The following KCNU1 variants were observed in gnomAD, a reference collection of about 807,000 sequenced individuals.
The protein encoded by KCNU1 is potassium channel subfamily U member 1.
In KCNU1, 93 loss-of-function variants were observed where a neutral mutation model predicts 126.8. That is an observed-to-expected ratio of 0.73 (90% CI 0.62 to 0.87). KCNU1 has a LOEUF of 0.87. KCNU1 is among the 40% of genes least tolerant of loss of function. The pLI, the probability that KCNU1 is intolerant of heterozygous loss-of-function variation, is 0.00. For synonymous variants in KCNU1, 523 were observed against 494.2 expected, an observed-to-expected ratio of 1.06 and a Z score of -0.77; for missense variants, 1,330 against 1,367.1, an observed-to-expected ratio of 0.97 and a Z score of 0.43.
chr8:36,815,218 C>T (rs577339825), intron 8 of KCNU1, among the ~76,000 whole-genome samples: 3 of 152,016 alleles, frequency 2.0e-5, no homozygotes, highest in Non-Finnish European at 4.4e-5. Flanking sequence ...GTAGTCCCAG[C>T]CACTTGGGAG....
chr8:36,793,858 A>T (rs1197371198), intron 2 of KCNU1, among the ~76,000 whole-genome samples: 1 of 151,984 alleles, frequency 6.6e-6, no homozygotes, highest in Non-Finnish European at 1.5e-5. Context: ...GTTTGAGACA[A>T]GCCTGACCAA....
chr8:36,932,353 C>T (rs1407529937), intron 25 of KCNU1, among the ~76,000 whole-genome samples: 1 of 152,102 alleles, frequency 6.6e-6, no homozygotes, highest in Non-Finnish European at 1.5e-5. Flanking sequence ...TGCCATGTTC[C>T]TCCCTTTGTT....
At position 36,847,971 on chromosome 8, in the gene KCNU1, ATTGTT is replaced by A. The variant is rs1343370100; in HGVS notation, c.1891+2085_1891+2089del. Among the ~76,000 whole-genome samples, 3 of 152,004 alleles carry A rather than the reference ATTGTT, an allele frequency of 2.0e-5. No individual in the cohort carries two copies. The East Asian group carries it at 5.8e-4, about 29-fold the overall frequency. ...GTTCTCCACATCCTTGTCAGCATCT[ATTGTT>A]TTGTTTTGTTTTTTGTCTTTTTCAT... is the stretch of plus-strand genomic sequence containing the variant. On this transcript the variant is annotated intron_variant, in intron 18 of 26. Coordinates refer to ENST00000399881, the MANE Select transcript of KCNU1 (RefSeq NM_001031836.3).
At chr8:36,907,092 A>AGGTCTTTTG (rs1212876760) in intron 20 of KCNU1, among the ~76,000 whole-genome samples, 1 of 152,196 alleles carries the variant, frequency 6.6e-6, no homozygotes, top group African/African-American at 2.4e-5. Context: ...AATACCAACC[A>AGGTCTTTTG]GGTCTTTTGT....
chr8:36,903,279 A>T (rs1030196532), intron 19 of KCNU1, among the ~76,000 whole-genome samples: 1 of 152,160 alleles, frequency 6.6e-6, no homozygotes, highest in African/African-American at 2.4e-5. Flanking sequence ...GCTTGTCATT[A>T]TGTTGAGGTC....
rs191078500 is a variant in KCNU1, at chr8:36,916,072, G to A, written c.2522-2751G>A. 1.3e-3 allele frequency among the ~76,000 whole-genome samples: 197 copies of A among 148,894 alleles called. 2 individuals are homozygous for A. Among genetic ancestry groups the A allele is most frequent in the African/African-American group, 4.4e-3 (178 of 40,486 alleles). On this transcript the variant is annotated intron_variant, in intron 22 of 26. Coordinates refer to ENST00000399881, the MANE Select transcript of KCNU1 (RefSeq NM_001031836.3). Reference sequence around the variant, plus strand: ...AGGAAGGGAGAAGAGGGAAAGGGACGAGAGAAAAAAGAACAGGAGGAGAAG... The same window carrying A: ...AGGAAGGGAGAAGAGGGAAAGGGACAAGAGAAAAAAGAACAGGAGGAGAAG...
At chr8:36,794,055 C>CAAAA (rs747930765) in intron 2 of KCNU1, among the ~76,000 whole-genome samples, 2 of 64,962 alleles carry the variant, frequency 3.1e-5, no homozygotes, top group African/African-American at 5.0e-5. Flanking sequence ...CTCTGTCTCT[C>CAAAA]AAAAAAAAAA....
At chr8:36,874,356 T>C (rs965206299) in intron 19 of KCNU1, among the ~76,000 whole-genome samples, 2 of 152,218 alleles carry the variant, frequency 1.3e-5, no homozygotes, top group Admixed American at 1.3e-4. Context: ...TAGATTATTA[T>C]ATAGAATTCT....
intron 22 of KCNU1, among the ~76,000 whole-genome samples, chr8:36,916,590 GAT>G (rs1808122056): frequency 2.0e-5 from 3 of 152,170 alleles, no homozygotes. Context: ...AAATTTCAGA[GAT>G]ATTTTTAAGG....
chr8:36,864,136 G>T (rs1027646618), intron 18 of KCNU1, among the ~76,000 whole-genome samples: 5 of 152,210 alleles, frequency 3.3e-5, no homozygotes, highest in Non-Finnish European at 7.4e-5. Flanking sequence ...GAAATGGGAG[G>T]GGTGATGGAT....
At chr8:36,806,202 C>T (rs979385414) in intron 4 of KCNU1, 67 bp from the exon 5 acceptor site, 6 of 888,280 alleles carry the variant, frequency 6.8e-6, no homozygotes, top group Non-Finnish European at 1.1e-5. Flanking sequence ...CTGAATAATG[C>T]TATCTAGTGT....
At chr8:36,845,516 G>T in intron 16 of KCNU1, 64 bp from the exon 17 acceptor site, 1 of 900,562 alleles carries the variant, frequency 1.1e-6, no homozygotes. Context: ...AACAGAAAGA[G>T]GCACCAACTG....
At chr8:36,924,876 C>G (rs1281991285) in intron 24 of KCNU1, among the ~76,000 whole-genome samples, 2 of 152,172 alleles carry the variant, frequency 1.3e-5, no homozygotes, top group Non-Finnish European at 2.9e-5. Context: ...TTAAACACCA[C>G]TGGCTCACAC....
At chr8:36,925,831 C>T (rs1241611096) in intron 24 of KCNU1, among the ~76,000 whole-genome samples, 1 of 152,258 alleles carries the variant, frequency 6.6e-6, no homozygotes, top group East Asian at 1.9e-4. Flanking sequence ...CATTTATTCT[C>T]CGTATGTGCT....
intron 18 of KCNU1, among the ~76,000 whole-genome samples, chr8:36,849,185 G>T (rs1805255407): frequency 2.0e-5 from 3 of 151,886 alleles, no homozygotes; most frequent in Admixed American, 1.3e-4. Flanking sequence ...TACCTATACT[G>T]GTCATTTCAC....
chr8:36,924,914 T>TTA (rs1808483505), intron 24 of KCNU1, among the ~76,000 whole-genome samples: 1 of 152,062 alleles, frequency 6.6e-6, no homozygotes, highest in African/African-American at 2.4e-5. Context: ...CAGATTTTAT[T>TTA]TAGAGTTGAT....
At chr8:36,918,934 A>G (rs1227248430) in intron 23 of KCNU1, 37 bp downstream of exon 23, 2 of 1,260,548 alleles carry the variant, frequency 1.6e-6, no homozygotes, top group African/African-American at 3.0e-5. Context: ...CAATGGAGAA[A>G]TTTTTGTGAT....
chr8:36,867,211 G>A (rs1805942467), intron 19 of KCNU1, among the ~76,000 whole-genome samples: 2 of 152,160 alleles, frequency 1.3e-5, no homozygotes, highest in South Asian at 4.1e-4. Flanking sequence ...GGTAGGGGAA[G>A]ACGAGGTCAA....
chr8:36,792,144 A>T (rs1244147427), intron 2 of KCNU1, among the ~76,000 whole-genome samples: 1 of 152,322 alleles, frequency 6.6e-6, no homozygotes, highest in East Asian at 1.9e-4. Context: ...AGTACAAAGT[A>T]AAAACTAAAT....
Sources: allele counts gnomAD v4.1 joint callset (sites outside exome capture counted in the v4.1 genomes callset), GRCh38; gene constraint gnomAD v4.1.1; transcripts MANE v1.5; gene names NCBI Gene and HGNC (gene_info 2026-07-23, HGNC 2026-07-21).